The following STXBP6 variants were observed in gnomAD, a reference collection of about 807,000 sequenced individuals.
STXBP6 encodes syntaxin binding protein 6, also known as syntaxin-binding protein 6.
Under a neutral mutation model 26.9 loss-of-function variants are expected in STXBP6, and 21 were observed. The ratio of observed to expected loss-of-function variants is 0.78; its 90% CI spans 0.55 to 1.12. STXBP6 has a LOEUF of 1.12. Ranked by LOEUF, STXBP6 falls within the 50% of genes most tolerant of loss-of-function variation. The pLI is 0.00. For missense variants in STXBP6, 232 were observed against 257.9 expected, an observed-to-expected ratio of 0.90 and a Z score of 0.69; for synonymous variants, 97 against 92.6, an observed-to-expected ratio of 1.05 and a Z score of -0.27.
chr14:24,835,124 C>G (rs539907105), intron 4 of STXBP6, among the ~76,000 whole-genome samples: 27 of 152,234 alleles, frequency 1.8e-4, no homozygotes, highest in African/African-American at 6.5e-4. Context: ...AGACCCTGGG[C>G]GGCCTTCCAA....
At chr14:25,027,731 G>C (rs745908189) in intron 1 of STXBP6, among the ~76,000 whole-genome samples, 9 of 152,220 alleles carry the variant, frequency 5.9e-5, no homozygotes, top group Admixed American at 2.0e-4. Context: ...GCCAGGACAG[G>C]CTGAAAGCTA....
At chr14:24,965,268 C>T (rs529054126) in intron 2 of STXBP6, among the ~76,000 whole-genome samples, 46 of 146,776 alleles carry the variant, frequency 3.1e-4, no homozygotes, top group Non-Finnish European at 5.8e-4. Flanking sequence ...TCTGGGTTAT[C>T]GTGTGATTTT....
intron 2 of STXBP6, among the ~76,000 whole-genome samples, chr14:24,957,087 TCTTA>T (rs1451269220): frequency 1.3e-5 from 2 of 152,140 alleles, no homozygotes; most frequent in Non-Finnish European, 2.9e-5. Flanking sequence ...TTGCTAGTGG[TCTTA>T]CTTAATTTAC....
At chr14:24,905,870 T>A (rs186753013) in intron 2 of STXBP6, among the ~76,000 whole-genome samples, 1 of 152,342 alleles carries the variant, frequency 6.6e-6, no homozygotes, top group East Asian at 1.9e-4. Context: ...TGCATGCACA[T>A]CTTTTACAGA....
chr14:24,958,027 C>A (rs1299115245), intron 2 of STXBP6, among the ~76,000 whole-genome samples: 1 of 152,154 alleles, frequency 6.6e-6, no homozygotes, highest in Non-Finnish European at 1.5e-5. Context: ...GTATATCTGA[C>A]TTCCAAGCAT....
intron 1 of STXBP6, among the ~76,000 whole-genome samples, chr14:24,998,632 G>A (rs900818920): frequency 7.2e-5 from 11 of 152,160 alleles, no homozygotes; most frequent in Non-Finnish European, 1.3e-4. Flanking sequence ...TGGCCCAACT[G>A]TTAGAACTCA....
rs2075771050 is a variant in STXBP6 at position 25,049,351 on chromosome 14, G to A, written c.-33+527C>T. On this transcript the variant is annotated intron_variant, in intron 1 of 5. Transcript: ENST00000323944. The surrounding 1 kb of genome is among the most constrained non-coding windows in gnomAD (Gnocchi z 5.6). The stretch of plus-strand genomic sequence containing the variant: ...AGGGCCAGCGCCCTGGGGGCAGGGT[G>A]CCGTGCCCGCCAGAAAAGCTCGCCT... 15 of 985,320 alleles carry A rather than the reference G, an allele frequency of 1.5e-5. No homozygotes were observed. Among genetic ancestry groups the A allele is most frequent in the Non-Finnish European group, 1.6e-5 (13 of 829,950 alleles). 61.0% of individuals were successfully genotyped at this position (985,320 alleles called of 1,614,324 possible). A position where few individuals can be genotyped will look rare whatever the true frequency, so the allele number is the denominator to read the frequency against.
At chr14:25,041,711 A>G (rs1329509616) in intron 1 of STXBP6, among the ~76,000 whole-genome samples, 1 of 152,228 alleles carries the variant, frequency 6.6e-6, no homozygotes, top group Non-Finnish European at 1.5e-5. Context: ...TCACTTCCAA[A>G]TGACATGGCC....
chr14:24,870,066 G>A (rs556963313), intron 2 of STXBP6, among the ~76,000 whole-genome samples: 15 of 152,196 alleles, frequency 9.9e-5, no homozygotes, highest in African/African-American at 3.6e-4. Context: ...TTTGTGTCAG[G>A]CAGATAATAA....
chr14:24,938,252 T>C (rs1385406601), intron 2 of STXBP6, among the ~76,000 whole-genome samples: 2 of 152,174 alleles, frequency 1.3e-5, no homozygotes, highest in African/African-American at 4.8e-5. Flanking sequence ...GAAGAGCTGC[T>C]TCATCAGATG....
chr14:25,046,758 C>CAGG (rs1485756933), intron 1 of STXBP6, among the ~76,000 whole-genome samples: 1 of 152,156 alleles, frequency 6.6e-6, no homozygotes, highest in Non-Finnish European at 1.5e-5. Context: ...GCTCACAGCA[C>CAGG]AGGACTATGG....
intron 2 of STXBP6, among the ~76,000 whole-genome samples, chr14:24,923,654 A>G (rs754440233): frequency 1.3e-5 from 2 of 152,178 alleles, no homozygotes; most frequent in Non-Finnish European, 2.9e-5. Context: ...GTGAAATGGC[A>G]TCTCATTTTA....
At chr14:24,922,975 G>T (rs1184653966) in intron 2 of STXBP6, among the ~76,000 whole-genome samples, 1 of 151,884 alleles carries the variant, frequency 6.6e-6, no homozygotes, top group East Asian at 1.9e-4. Context: ...ACATTTTAAT[G>T]TATAATATGA....
At chr14:25,024,115 C>T (rs945651198) in intron 1 of STXBP6, among the ~76,000 whole-genome samples, 30 of 152,174 alleles carry the variant, frequency 2.0e-4, no homozygotes, top group African/African-American at 6.5e-4. Context: ...CGAGACCATC[C>T]TGGCTAACAC....
At chr14:24,964,647 C>CTGTGTGTG (rs34132743) in intron 2 of STXBP6, among the ~76,000 whole-genome samples, 7,992 of 140,112 alleles carry the variant, frequency 0.057, 284 homozygotes, top group South Asian at 0.072. Flanking sequence ...AGTTCTCATT[C>CTGTGTGTG]TGTGTGTGTG....
intron 1 of STXBP6, among the ~76,000 whole-genome samples, chr14:25,008,705 CA>C (rs1278603140): frequency 6.6e-6 from 1 of 151,934 alleles, no homozygotes; most frequent in Non-Finnish European, 1.5e-5. Context: ...ATAATGCTCC[CA>C]AAGTAATGGT....
chr14:24,907,549 G>C (rs2071426433), intron 2 of STXBP6, among the ~76,000 whole-genome samples: 1 of 152,024 alleles, frequency 6.6e-6, no homozygotes, highest in South Asian at 2.1e-4. Flanking sequence ...GAGAGTCTTT[G>C]AATTTTATGT....
At chr14:24,917,293 T>C (rs1179625188) in intron 2 of STXBP6, among the ~76,000 whole-genome samples, 2 of 152,088 alleles carry the variant, frequency 1.3e-5, no homozygotes, top group African/African-American at 4.8e-5. Flanking sequence ...AAATGTGTGA[T>C]TGTTTTACTA....
intron 2 of STXBP6, among the ~76,000 whole-genome samples, chr14:24,960,255 C>A (rs1595193884): frequency 6.6e-6 from 1 of 152,170 alleles, no homozygotes; most frequent in Non-Finnish European, 1.5e-5. Context: ...ACCTCTGAAG[C>A]CAGACGTTTG....
Sources: gnomAD v4.1 joint callset for allele counts (sites outside exome capture counted in the v4.1 genomes callset) on GRCh38, gnomAD v4.1.1 for gene constraint, Gnocchi (gnomAD v3.1) non-coding constraint, MANE v1.5 for transcripts, NCBI Gene and HGNC (gene_info 2026-07-23, HGNC 2026-07-21) for gene names.